The following CHD7 variants were observed in gnomAD, a reference collection of about 807,000 sequenced individuals.
CHD7 encodes the protein ATP-dependent chromatin remodeler CHD7.
A neutral mutation model predicts 307.3 loss-of-function variants in CHD7; 24 were observed. The observed-to-expected ratio is 0.08, with a 90% CI of 0.06 to 0.11. CHD7 has a LOEUF of 0.11. Among genes scored for constraint, CHD7 ranks in the 10% least tolerant of loss-of-function variants. The pLI is 1.00. For missense variants in CHD7, 3,106 were observed against 3,727.1 expected, an observed-to-expected ratio of 0.83 and a Z score of 4.34; for synonymous variants, 1,363 against 1,349.9, an observed-to-expected ratio of 1.01 and a Z score of -0.21.
intron 1 of CHD7, among the ~76,000 whole-genome samples, chr8:60,700,296 A>C (rs1032321620): frequency 6.6e-6 from 1 of 152,146 alleles, no homozygotes; most frequent in Non-Finnish European, 1.5e-5. Context: ...AAAATGTTAG[A>C]AGCTTACCAT....
At chr8:60,759,203 A>G (rs899807228) in intron 2 of CHD7, among the ~76,000 whole-genome samples, 2 of 152,178 alleles carry the variant, frequency 1.3e-5, no homozygotes, top group African/African-American at 4.8e-5. Context: ...TAGAAAAAAA[A>G]TCTAACTGTG....
At position 60,741,939 on chromosome 8, in the gene CHD7, A is replaced by C; in HGVS notation, c.507A>C (p.Pro169=). ...PYQQQQPQPQ[P]PQPAPSGPPA... is the part of the protein sequence containing the mutation. Reference sequence around the variant, plus strand: ...AGCAGCAGCAGCCACAGCCGCAGCCACCGCAGCCGGCTCCGTCGGGGCCCC... The same window carrying C: ...AGCAGCAGCAGCCACAGCCGCAGCCCCCGCAGCCGGCTCCGTCGGGGCCCC... The change falls in exon 2 of 38, where the codon CCA becomes CCC. Residue 169 remains proline, a synonymous_variant. Transcript: ENST00000423902. The C allele has an allele frequency of 6.2e-7, 1 of 1,613,322 alleles. No homozygotes were observed. The highest frequency in any genetic ancestry group is 8.5e-7 in the Non-Finnish European group (1 of 1,179,694).
Position 60,865,079 on chromosome 8 carries a change from G to C in CHD7, c.8140G>C (p.Ala2714Pro). 6.2e-7 allele frequency: 1 copy of C among 1,610,140 alleles called. No individual in the cohort carries two copies. The highest frequency in any genetic ancestry group is 1.3e-5 in the African/African-American group (1 of 75,006). ...TGGGCCTGTAGTGCGGGGAGAGGGA[G>C]CGAGCAGAAGAGGAAGAAGGCCCAA... ...LTGPVVRGEGASRRGRRPKSE... is the reference protein window; with the variant it reads ...LTGPVVRGEGPSRRGRRPKSE... The change falls in exon 38 of 38, where the codon GCG becomes CCG. Residue 2714 changes from alanine (A) to proline (P), a missense_variant. This residue lies in a region of CHD7 where 351 missense variants were observed against 366.2 expected (regional missense o/e 0.96). Transcript: ENST00000423902. This position sits in a 1 kb window ranked among gnomAD's most constrained non-coding sequence, Gnocchi z 4.3.
chr8:60,684,671 A>G (rs970463083), intron 1 of CHD7, among the ~76,000 whole-genome samples: 3 of 152,236 alleles, frequency 2.0e-5, no homozygotes, highest in Admixed American at 6.5e-5. Context: ...ATTCAACTGC[A>G]AGATGAGACT....
At chr8:60,770,317 A>G (rs1412540768) in intron 2 of CHD7, among the ~76,000 whole-genome samples, 1 of 152,254 alleles carries the variant, frequency 6.6e-6, no homozygotes, top group Non-Finnish European at 1.5e-5. Flanking sequence ...GCTGATATAC[A>G]TAACCAGGCT....
intron 1 of CHD7, among the ~76,000 whole-genome samples, chr8:60,724,828 TAAAG>T (rs953377584): frequency 2.0e-5 from 3 of 152,188 alleles, no homozygotes; most frequent in African/African-American, 7.2e-5. Flanking sequence ...AATAAAAACT[TAAAG>T]AAGAGAAAAT....
chr8:60,768,481 C>T (rs1810572704), intron 2 of CHD7, among the ~76,000 whole-genome samples: 1 of 152,220 alleles, frequency 6.6e-6, no homozygotes. Flanking sequence ...GTGGCTGCAG[C>T]CCTGCAATAC....
At position 60,850,613 on chromosome 8, in the gene CHD7, G is replaced by A; in HGVS notation, c.5525G>A (p.Gly1842Asp). Residue 1842 changes from glycine (G) to aspartate (D), a missense_variant, in exon 26 of 38, where the codon GGT becomes GAT. Gly to Asp is a moderately conservative substitution (Grantham distance 94). Transcript: ENST00000423902. ...EQRGTDMLADGGDGGEFDRED... is the reference protein window; with the variant it reads ...EQRGTDMLADDGDGGEFDRED... The stretch of plus-strand genomic sequence containing the variant: ...AGAGGAACAGACATGCTAGCAGATG[G>A]TGGTGACGGGTAAGAAGGACATTTT... 6.2e-7 allele frequency: 1 copy of A among 1,611,712 alleles called. No homozygotes were observed. Among genetic ancestry groups the A allele is most frequent in the Non-Finnish European group, 8.5e-7 (1 of 1,178,766 alleles).
chr8:60,695,021 G>A (rs961349812), intron 1 of CHD7, among the ~76,000 whole-genome samples: 1 of 152,150 alleles, frequency 6.6e-6, no homozygotes, highest in Non-Finnish European at 1.5e-5. Flanking sequence ...GCTAGGCGGG[G>A]AAAATGGACT....
chr8:60,848,419 C>CAGGAT, intron 23 of CHD7, 96 bp from the exon 24 acceptor site: 1 of 781,936 alleles, frequency 1.3e-6, no homozygotes, highest in South Asian at 1.6e-5. Flanking sequence ...TCAGCCTTGG[C>CAGGAT]AGGATGATGG....
At chr8:60,836,412 T>C in intron 16 of CHD7, 129 bp downstream of exon 16, 1 of 711,312 alleles carries the variant, frequency 1.4e-6, no homozygotes, top group Non-Finnish European at 2.3e-6. Context: ...CACATGTCAT[T>C]TTTAAAACTA....
chr8:60,824,953 A>G (rs1394500809), intron 13 of CHD7: 8 of 152,200 alleles, frequency 5.3e-5, no homozygotes, highest in Admixed American at 1.3e-4. Context: ...CATAGTTTAT[A>G]TAGTGGTTAT....
chr8:60,750,510 T>TA (rs1376824708), intron 2 of CHD7, among the ~76,000 whole-genome samples: 2 of 152,234 alleles, frequency 1.3e-5, no homozygotes, highest in Non-Finnish European at 2.9e-5. Context: ...GAGCTACAAA[T>TA]ACAACGCATT....
chr8:60,845,425 G>T lies in CHD7; in HGVS notation c.5210+16G>T, dbSNP rs747154720. On this transcript the variant is annotated intron_variant, in intron 23 of 37. Transcript: ENST00000423902. ...ACTGTAACAAGTATGTTATTAGAGGGTGGACCTGGAGAGCTTAATTCCCTT... is the reference window on the plus strand; with the variant it reads ...ACTGTAACAAGTATGTTATTAGAGGTTGGACCTGGAGAGCTTAATTCCCTT... 5.2e-5 allele frequency: 84 copies of T among 1,612,764 alleles called. No individual in the cohort carries two copies. In the East Asian group the frequency reaches 6.5e-4, roughly 12 times the overall value.
intron 12 of CHD7, 75 bp downstream of exon 12, chr8:60,822,821 G>A: frequency 7.2e-7 from 1 of 1,396,216 alleles, no homozygotes; most frequent in African/African-American, 1.4e-5. Flanking sequence ...CAAAGTCTTG[G>A]TGACTTGGGA....
chr8:60,765,021 G>A (rs1367975084), intron 2 of CHD7, among the ~76,000 whole-genome samples: 2 of 152,208 alleles, frequency 1.3e-5, no homozygotes, highest in South Asian at 4.1e-4. Flanking sequence ...AGGTGTAAAT[G>A]CACGAGGCAG....
intron 1 of CHD7, among the ~76,000 whole-genome samples, chr8:60,695,457 C>T (rs2150496776): frequency 6.6e-6 from 1 of 152,250 alleles, no homozygotes; most frequent in African/African-American, 2.4e-5. Context: ...GTGATAATAG[C>T]ACAAGAGGGC....
Position 60,865,132 on chromosome 8 carries a change from C to G in CHD7, c.8193C>G (p.Ala2731=). Residue 2731 remains alanine (A), a synonymous_variant, in exon 38 of 38, where the codon GCC becomes GCG. Transcript: ENST00000423902. This position sits in a 1 kb window ranked among gnomAD's most constrained non-coding sequence, Gnocchi z 4.3. ...PKSEIARAAA[A]AAAVASTSGI... is the part of the protein sequence containing the mutation. ...GTGAGATCGCCAGAGCAGCCGCGGCCGCCGCTGCTGTGGCCTCCACGTCAG... is the reference window on the plus strand; with the variant it reads ...GTGAGATCGCCAGAGCAGCCGCGGCGGCCGCTGCTGTGGCCTCCACGTCAG... The G allele has an allele frequency of 1.2e-6, 2 of 1,611,504 alleles. No individual in the cohort carries two copies. The highest frequency in any genetic ancestry group is 1.7e-4 in the Middle Eastern group (1 of 6,060).
At chr8:60,691,737 G>A (rs1020613661) in intron 1 of CHD7, among the ~76,000 whole-genome samples, 1 of 152,190 alleles carries the variant, frequency 6.6e-6, no homozygotes, top group African/African-American at 2.4e-5. Flanking sequence ...TGGTCTTTAA[G>A]GAAGATTAGA....
Sources: gnomAD v4.1 joint callset for allele counts (sites outside exome capture counted in the v4.1 genomes callset) on GRCh38, gnomAD v4.1.1 for gene constraint, gnomAD v4.1.1 regional missense constraint, Gnocchi (gnomAD v3.1) non-coding constraint, MANE v1.5 for transcripts, NCBI Gene and HGNC (gene_info 2026-07-23, HGNC 2026-07-21) for gene names.